The following CYP4F2 variants were observed in gnomAD, a reference collection of about 807,000 sequenced individuals.
CYP4F2 encodes cytochrome P450 4F2.
Under a neutral mutation model 58.9 loss-of-function variants are expected in CYP4F2, and 58 were observed. That is an observed-to-expected ratio of 0.98 (90% CI 0.80 to 1.23). CYP4F2 has a LOEUF of 1.23. CYP4F2 is among the 50% of genes most tolerant of loss of function. The probability of loss-of-function intolerance (pLI) is 0.00; values close to 1 mark genes in which losing one functional copy is unlikely to be tolerated. For missense variants in CYP4F2, 616 were observed against 685.6 expected, an observed-to-expected ratio of 0.90 and a Z score of 1.13; for synonymous variants, 287 against 261.1, an observed-to-expected ratio of 1.10 and a Z score of -0.95.
chr19:15,887,101 A>G (rs903409972), intron 7 of CYP4F2, among the ~76,000 whole-genome samples: 3 of 152,210 alleles, frequency 2.0e-5, no homozygotes, highest in Admixed American at 1.3e-4. Context: ...ATAGACACAG[A>G]CACAAACACA....
intron 9 of CYP4F2, among the ~76,000 whole-genome samples, chr19:15,883,007 T>C (rs1291128852): frequency 6.6e-6 from 1 of 152,214 alleles, no homozygotes; most frequent in Non-Finnish European, 1.5e-5. Flanking sequence ...CCCTTTCTTT[T>C]AACCACATCC....
chr19:15,880,491 G>A (rs2089337695), intron 9 of CYP4F2, among the ~76,000 whole-genome samples: 1 of 152,066 alleles, frequency 6.6e-6, no homozygotes, highest in African/African-American at 2.4e-5. Flanking sequence ...AGCGGGGTAT[G>A]GTGGAGGGCA....
chr19:15,882,364 C>T (rs2089351297), intron 9 of CYP4F2, among the ~76,000 whole-genome samples: 1 of 152,080 alleles, frequency 6.6e-6, no homozygotes, highest in Non-Finnish European at 1.5e-5. Flanking sequence ...AGGATAGAAG[C>T]TTCAGTTAGA....
Position 15,889,686 on chromosome 19 carries a change from T to C in CYP4F2, c.655A>G (p.Ser219Gly). The C allele has an allele frequency of 6.2e-7, 1 of 1,613,662 alleles. No homozygotes were observed. Among genetic ancestry groups the C allele is most frequent in the Non-Finnish European group, 8.5e-7 (1 of 1,179,590 alleles). ...TCCAAGATGGCGGCAATATATTCACTGGGTTTCCTGCAGGATAAGGGCAGA... is the reference window on the plus strand; with the variant it reads ...TCCAAGATGGCGGCAATATATTCACCGGGTTTCCTGCAGGATAAGGGCAGA... ...SFDSHCQEKP[S>G]EYIAAILELS... is the part of the protein sequence containing the mutation. The change falls in exon 7 of 13, where the codon AGT becomes GGT. Residue 219 changes from serine (S) to glycine (G), a missense_variant. Coordinates refer to ENST00000221700, the MANE Select transcript of CYP4F2 (RefSeq NM_001082.5).
At chr19:15,887,392 A>G (rs749780149) in intron 7 of CYP4F2, among the ~76,000 whole-genome samples, 1 of 151,684 alleles carries the variant, frequency 6.6e-6, no homozygotes, top group Non-Finnish European at 1.5e-5. Flanking sequence ...ACAAAAACAC[A>G]GACTTAGAAA....
In CYP4F2 at chr19:15,895,540, G is replaced by T. The variant is rs756996179; in HGVS notation, c.309C>A (p.His103Gln). 38 of 1,546,236 alleles carry T rather than the reference G, an allele frequency of 2.5e-5. No homozygotes were observed. The highest frequency in any genetic ancestry group is 8.5e-5 in the African/African-American group (6 of 70,252). ...GPISPLLSLC[H>Q]PDIIRSVINA... ...TGATGACAGACCGGATGATGTCGGGGTGGCACAAACTGAGGAGGGGGGAGA... is the reference window on the plus strand; with the variant it reads ...TGATGACAGACCGGATGATGTCGGGTTGGCACAAACTGAGGAGGGGGGAGA... The change falls in exon 3 of 13, where the codon CAC (histidine) becomes CAA (glutamine). Residue 103 changes from histidine (H) to glutamine (Q), a missense_variant. Transcript: ENST00000221700.
intron 9 of CYP4F2, among the ~76,000 whole-genome samples, chr19:15,885,117 C>T (rs150046408): frequency 5.3e-5 from 8 of 152,004 alleles, no homozygotes; most frequent in Non-Finnish European, 8.8e-5. Flanking sequence ...CTCTCTCCCT[C>T]GCTCTCCTCT....
Position 15,879,886 on chromosome 19 carries a change from G to T in CYP4F2, c.1127C>A (p.Ala376Asp). ...EPKEIEWDDL[A>D]HLPFLTMCMK... is the part of the protein sequence containing the mutation. Reference sequence around the variant, plus strand: ...GCACATGGTCAGGAAGGGCAAATGGGCCAGGTCGTCCCTAAGGAAACACCC... The same window carrying T: ...GCACATGGTCAGGAAGGGCAAATGGTCCAGGTCGTCCCTAAGGAAACACCC... Residue 376 changes from alanine (A) to aspartate (D), a missense_variant, in exon 10 of 13, where the codon GCC becomes GAC. Ala to Asp is a moderately radical substitution (Grantham distance 126). Transcript: ENST00000221700. 1 of 1,614,162 alleles carries T rather than the reference G, an allele frequency of 6.2e-7. No individual in the cohort carries two copies. The highest frequency in any genetic ancestry group is 8.5e-7 in the Non-Finnish European group (1 of 1,180,028).
At chr19:15,896,438 G>A (rs938074925) in intron 2 of CYP4F2, among the ~76,000 whole-genome samples, 3 of 152,186 alleles carry the variant, frequency 2.0e-5, no homozygotes, top group Non-Finnish European at 2.9e-5. Flanking sequence ...TTCTTTTTCT[G>A]GGAGTCATTT....
chr19:15,897,391 A>G, intron 2 of CYP4F2, 23 bp downstream of exon 2: 1 of 1,608,284 alleles, frequency 6.2e-7, no homozygotes, highest in Non-Finnish European at 8.5e-7. Flanking sequence ...TGAGACCTAG[A>G]CCCATCCTGC....
At chr19:15,882,232 G>A (rs1447693717) in intron 9 of CYP4F2, among the ~76,000 whole-genome samples, 4 of 150,370 alleles carry the variant, frequency 2.7e-5, no homozygotes, top group African/African-American at 9.8e-5. Context: ...GTGACAGAGC[G>A]AGACTCCATC....
At position 15,878,583 on chromosome 19, in the gene CYP4F2, T is replaced by C. The variant is rs2089320046; in HGVS notation, c.*188A>G. On this transcript the variant is annotated 3_prime_UTR_variant, in exon 13 of 13. Coordinates refer to ENST00000221700, the MANE Select transcript of CYP4F2 (RefSeq NM_001082.5). ...GGGGTTGTTTTCATCGTTTGGCTACTGTGAATAGGGCCGCCATGAACATTC... is the reference window on the plus strand; with the variant it reads ...GGGGTTGTTTTCATCGTTTGGCTACCGTGAATAGGGCCGCCATGAACATTC... 1.3e-5 allele frequency: 12 copies of C among 946,134 alleles called. No individual in the cohort carries two copies. The highest frequency in any genetic ancestry group is 2.8e-5 in the East Asian group (1 of 35,344). The allele number at this position is 946,134 out of a possible 1,614,324, so 58.6% of individuals were successfully genotyped here.
At chr19:15,887,709 T>C (rs2089389090) in intron 7 of CYP4F2, among the ~76,000 whole-genome samples, 1 of 143,486 alleles carries the variant, frequency 7.0e-6, no homozygotes, top group Non-Finnish European at 1.5e-5. Flanking sequence ...CACACACATA[T>C]AGACTAAGTC....
At chr19:15,879,264 A>G in intron 12 of CYP4F2, 82 bp downstream of exon 12, 7 of 1,522,612 alleles carry the variant, frequency 4.6e-6, no homozygotes, top group East Asian at 2.3e-5. Context: ...GACCATCTAC[A>G]ATGTCCCCCT....
intron 7 of CYP4F2, among the ~76,000 whole-genome samples, chr19:15,888,341 T>C (rs1257541001): frequency 4.1e-5 from 6 of 144,696 alleles, no homozygotes; most frequent in African/African-American, 1.6e-4. Flanking sequence ...CACATAAACA[T>C]AGACATAGAC....
intron 9 of CYP4F2, among the ~76,000 whole-genome samples, chr19:15,885,170 A>G (rs542534839): frequency 2.0e-5 from 3 of 149,022 alleles, no homozygotes; most frequent in South Asian, 2.1e-4. Context: ...GACCCCAGGC[A>G]GTCTTCTTGA....
At position 15,895,828 on chromosome 19, in the gene CYP4F2, C is replaced by T. The variant is rs577525375; in HGVS notation, c.199-178G>A. On this transcript the variant is annotated intron_variant, in intron 2 of 12. Transcript: ENST00000221700. ...TCTATCTGCCTACCCATCTATCCAT[C>T]AATCCATTTTATCTGTGCTTTCATC... 1.6e-4 allele frequency among the ~76,000 whole-genome samples: 25 copies of T among 152,278 alleles called. No homozygotes were observed. The South Asian group carries it at 4.8e-3, about 29-fold the overall frequency.
chr19:15,886,182 C>A (rs774753100), intron 8 of CYP4F2, 60 bp downstream of exon 8: 2 of 1,612,350 alleles, frequency 1.2e-6, no homozygotes, highest in Non-Finnish European at 1.7e-6. Flanking sequence ...GGTCTACCCA[C>A]CCTGTTCCTG....
chr19:15,883,923 G>C (rs2089360052), intron 9 of CYP4F2, among the ~76,000 whole-genome samples: 1 of 152,150 alleles, frequency 6.6e-6, no homozygotes, highest in Non-Finnish European at 1.5e-5. Context: ...GCCAGGCATG[G>C]TGGTGTGCAC....
Sources: gnomAD v4.1 joint callset for allele counts (sites outside exome capture counted in the v4.1 genomes callset) on GRCh38, gnomAD v4.1.1 for gene constraint, MANE v1.5 for transcripts, NCBI Gene and HGNC (gene_info 2026-07-23, HGNC 2026-07-21) for gene names.